The following SIPA1L1 variants were observed in gnomAD, a reference collection of about 807,000 sequenced individuals.
The protein encoded by SIPA1L1 is signal-induced proliferation-associated 1-like protein 1.
SIPA1L1 carries 26 observed loss-of-function variants against 162.7 expected under a neutral mutation model. The ratio of observed to expected loss-of-function variants is 0.16; its 90% CI spans 0.12 to 0.22. SIPA1L1 has a LOEUF of 0.22. SIPA1L1 is among the 10% of genes least tolerant of loss of function. The pLI is 1.00. For missense variants in SIPA1L1, 1,874 were observed against 2,241.0 expected, an observed-to-expected ratio of 0.84 and a Z score of 3.31; for synonymous variants, 829 against 837.4, an observed-to-expected ratio of 0.99 and a Z score of 0.17.
In SIPA1L1 at chr14:71,501,001, C is replaced by T. The variant is rs185848645; in HGVS notation, c.-464-11742C>T. Among the ~76,000 whole-genome samples, 38 of 152,104 alleles carry T rather than the reference C, an allele frequency of 2.5e-4. No individual in the cohort carries two copies. The South Asian group carries it at 2.5e-3, about 10-fold the overall frequency. On this transcript the variant is annotated intron_variant, in intron 2 of 23. Coordinates refer to ENST00000381232, the MANE Select transcript of SIPA1L1 (RefSeq NM_001386936.1). Reference sequence around the variant, plus strand: ...ATCCTGGGCAACAAGAGCGAAACTCCGCCTCCAAAAACAAAACAAAACAAA... The same window carrying T: ...ATCCTGGGCAACAAGAGCGAAACTCTGCCTCCAAAAACAAAACAAAACAAA...
Position 71,588,942 on chromosome 14 carries a change from G to A in SIPA1L1, c.1070G>A (p.Arg357Lys). 1 of 1,614,092 alleles carries A rather than the reference G, an allele frequency of 6.2e-7. No homozygotes were observed. Among genetic ancestry groups the A allele is most frequent in the South Asian group, 1.1e-5 (1 of 91,078 alleles). Reference sequence around the variant, plus strand: ...AACAGGCACAATGTTATTAAGAGGAGAAACACCACCACTGGAGCTTCCGCA... The same window carrying A: ...AACAGGCACAATGTTATTAAGAGGAAAAACACCACCACTGGAGCTTCCGCA... ...IMNRHNVIKR[R>K]NTTTGASAAA... Residue 357 changes from arginine to lysine, a missense_variant, in exon 5 of 24, where the codon AGA becomes AAA. Transcript: ENST00000381232. The surrounding 1 kb of genome is among the most constrained non-coding windows in gnomAD (Gnocchi z 4.3).
chr14:71,727,247 G>C (rs528924957), intron 19 of SIPA1L1, among the ~76,000 whole-genome samples: 2 of 152,182 alleles, frequency 1.3e-5, no homozygotes, highest in African/African-American at 4.8e-5. Flanking sequence ...TGTGGCTCCA[G>C]TATTTAGGAA....
At chr14:71,515,592 C>T (rs1595861859) in intron 3 of SIPA1L1, among the ~76,000 whole-genome samples, 2 of 152,312 alleles carry the variant, frequency 1.3e-5, no homozygotes, top group East Asian at 1.9e-4. Flanking sequence ...TTCGTACATA[C>T]TGTAACCCAC....
At chr14:71,633,171 TGTTC>T (rs2040773370) in intron 7 of SIPA1L1, among the ~76,000 whole-genome samples, 1 of 148,664 alleles carries the variant, frequency 6.7e-6, no homozygotes, top group African/African-American at 2.5e-5. Context: ...TGTTCTGTTC[TGTTC>T]TTTGGAGATG....
chr14:71,686,001 GATGAT>G (rs981809195), intron 13 of SIPA1L1, among the ~76,000 whole-genome samples: 4 of 152,156 alleles, frequency 2.6e-5, no homozygotes, highest in Non-Finnish European at 4.4e-5. Context: ...GTTCCGAAAT[GATGAT>G]ATAAGAGCAA....
chr14:71,595,529 T>C (rs1474356174), intron 5 of SIPA1L1, among the ~76,000 whole-genome samples: 1 of 152,262 alleles, frequency 6.6e-6, no homozygotes, highest in Non-Finnish European at 1.5e-5. Flanking sequence ...CTATTCTGTT[T>C]CATTAGCATG....
At chr14:71,455,224 AACTTT>A (rs2046104287) in intron 2 of SIPA1L1, among the ~76,000 whole-genome samples, 1 of 152,168 alleles carries the variant, frequency 6.6e-6, no homozygotes, top group African/African-American at 2.4e-5. Context: ...GCAGTTTTGT[AACTTT>A]ACTTGCAAAT....
At chr14:71,397,314 A>G (rs946317008) in intron 2 of SIPA1L1, among the ~76,000 whole-genome samples, 18 of 152,058 alleles carry the variant, frequency 1.2e-4, no homozygotes, top group Non-Finnish European at 1.9e-4. Context: ...TCTCCCTTAC[A>G]TTCATTTCTT....
chr14:71,499,718 G>A (rs2050055629), intron 2 of SIPA1L1, among the ~76,000 whole-genome samples: 1 of 152,166 alleles, frequency 6.6e-6, no homozygotes, highest in South Asian at 2.1e-4. Flanking sequence ...GAGATATTCA[G>A]GGGTGTAATT....
At chr14:71,733,937 T>A in intron 21 of SIPA1L1, 125 bp downstream of exon 21, 1 of 1,053,220 alleles carries the variant, frequency 9.5e-7, no homozygotes, top group Non-Finnish European at 1.3e-6. Flanking sequence ...TATCAGTTAC[T>A]GAGCATTCAG....
At chr14:71,549,584 TC>T (rs766210312) in intron 4 of SIPA1L1, among the ~76,000 whole-genome samples, 5 of 152,194 alleles carry the variant, frequency 3.3e-5, no homozygotes. Flanking sequence ...TCTAACCAGT[TC>T]CTTGAAATAG....
intron 2 of SIPA1L1, among the ~76,000 whole-genome samples, chr14:71,509,631 C>G (rs1056314595): frequency 5.3e-5 from 8 of 151,698 alleles, no homozygotes; most frequent in South Asian, 2.1e-4. Flanking sequence ...GTAATCCCAG[C>G]TACTAGGGAG....
At chr14:71,333,858 T>C (rs1204755329) in intron 2 of SIPA1L1, among the ~76,000 whole-genome samples, 2 of 152,086 alleles carry the variant, frequency 1.3e-5, no homozygotes, top group African/African-American at 2.4e-5. Context: ...CTAGCAATGC[T>C]CTATAGGTGA....
intron 2 of SIPA1L1, among the ~76,000 whole-genome samples, chr14:71,504,224 A>G (rs2050472574): frequency 6.6e-6 from 1 of 152,028 alleles, no homozygotes; most frequent in African/African-American, 2.4e-5. Flanking sequence ...TTTTTCCTTA[A>G]ATGTCATTTT....
chr14:71,490,046 A>G (rs2049112831), intron 2 of SIPA1L1, among the ~76,000 whole-genome samples: 3 of 152,244 alleles, frequency 2.0e-5, no homozygotes, highest in Non-Finnish European at 4.4e-5. Flanking sequence ...CAGATATGTT[A>G]ATAGGGTAAG....
At chr14:71,645,530 A>G (rs1372499192) in intron 7 of SIPA1L1, among the ~76,000 whole-genome samples, 1 of 152,222 alleles carries the variant, frequency 6.6e-6, no homozygotes, top group African/African-American at 2.4e-5. Context: ...TATACGCTGC[A>G]TTTCATCACA....
At chr14:71,470,872 C>T (rs1360747474) in intron 2 of SIPA1L1, among the ~76,000 whole-genome samples, 6 of 151,986 alleles carry the variant, frequency 3.9e-5, no homozygotes. Context: ...GAATCTTGCT[C>T]TGTTGCCCAG....
intron 2 of SIPA1L1, chr14:71,497,992 A>T (rs2049921771): frequency 6.6e-6 from 1 of 152,230 alleles, no homozygotes; most frequent in African/African-American, 2.4e-5. Context: ...CATTCTTGCC[A>T]CTACATGGTA....
At chr14:71,673,022 C>T (rs1050909105) in intron 12 of SIPA1L1, among the ~76,000 whole-genome samples, 5 of 152,238 alleles carry the variant, frequency 3.3e-5, no homozygotes, top group African/African-American at 1.2e-4. Flanking sequence ...TTATTCTCTT[C>T]TCTCTCCTAA....
Sources: allele counts gnomAD v4.1 joint callset (sites outside exome capture counted in the v4.1 genomes callset), GRCh38; gene constraint gnomAD v4.1.1; non-coding constraint Gnocchi (gnomAD v3.1); transcripts MANE v1.5; gene names NCBI Gene and HGNC (gene_info 2026-07-23, HGNC 2026-07-21).